The following GMDS variants were observed in gnomAD, a reference collection of about 807,000 sequenced individuals.
The protein encoded by GMDS is GDP-mannose 4,6 dehydratase.
Under a neutral mutation model 49.9 loss-of-function variants are expected in GMDS, and 20 were observed. The ratio of observed to expected loss-of-function variants is 0.40; its 90% CI spans 0.28 to 0.58. GMDS has a LOEUF of 0.58. GMDS is among the 20% of genes least tolerant of loss of function. GMDS has a pLI of 0.42. For synonymous variants in GMDS, 177 were observed against 178.6 expected (o/e 0.99, Z 0.07); for missense variants, 362 against 481.4 (o/e 0.75, Z 2.32).
chr6:1,838,115 C>T (rs565433300), intron 7 of GMDS, among the ~76,000 whole-genome samples: 3 of 152,310 alleles, frequency 2.0e-5, no homozygotes, highest in Admixed American at 2.0e-4. Flanking sequence ...TCTCCAGATA[C>T]AGGAAATGCT....
intron 7 of GMDS, among the ~76,000 whole-genome samples, chr6:1,817,502 T>C (rs1770720375): frequency 6.6e-6 from 1 of 152,238 alleles, no homozygotes; most frequent in African/African-American, 2.4e-5. Context: ...TGAAGTGATA[T>C]AAATATCTAG....
intron 4 of GMDS, among the ~76,000 whole-genome samples, chr6:2,074,739 A>G (rs1772223623): frequency 1.3e-5 from 2 of 152,176 alleles, no homozygotes; most frequent in Admixed American, 1.3e-4. Flanking sequence ...CCTGGCCTCA[A>G]GAAATTCTCC....
intron 4 of GMDS, among the ~76,000 whole-genome samples, chr6:2,076,709 T>C (rs575884155): frequency 1.3e-5 from 2 of 152,344 alleles, no homozygotes; most frequent in Non-Finnish European, 2.9e-5. Context: ...GCTAGCTGTA[T>C]GTAGAAAGCT....
intron 7 of GMDS, among the ~76,000 whole-genome samples, chr6:1,915,129 A>G (rs1418935137): frequency 6.6e-6 from 1 of 152,160 alleles, no homozygotes; most frequent in Non-Finnish European, 1.5e-5. Flanking sequence ...CCACAGAACC[A>G]GTGGTTTTGC....
chr6:1,973,777 T>C (rs570921402), intron 4 of GMDS, among the ~76,000 whole-genome samples: 1 of 152,272 alleles, frequency 6.6e-6, no homozygotes, highest in African/African-American at 2.4e-5. Context: ...CTAATAATTC[T>C]TTAGTTAATA....
chr6:1,911,550 T>C, intron 7 of GMDS, among the ~76,000 whole-genome samples: 1 of 147,630 alleles, frequency 6.8e-6, no homozygotes, highest in Admixed American at 6.6e-5. Context: ...TTCTTTCCCC[T>C]ATTAAAAAAA....
chr6:1,826,640 T>C (rs758689772), intron 7 of GMDS, among the ~76,000 whole-genome samples: 3 of 152,240 alleles, frequency 2.0e-5, no homozygotes, highest in Non-Finnish European at 4.4e-5. Flanking sequence ...CCTGATTGCA[T>C]TTTCAATTCT....
intron 1 of GMDS, among the ~76,000 whole-genome samples, chr6:2,190,696 C>A (rs1266303759): frequency 6.6e-6 from 1 of 152,226 alleles, no homozygotes; most frequent in Non-Finnish European, 1.5e-5. Flanking sequence ...AAACCAGTGG[C>A]ACCATCCTCC....
chr6:1,976,128 T>A (rs530811258), intron 4 of GMDS, among the ~76,000 whole-genome samples: 1 of 152,302 alleles, frequency 6.6e-6, no homozygotes, highest in African/African-American at 2.4e-5. Flanking sequence ...TGTAAAATAA[T>A]AAAGAATATG....
At chr6:1,968,998 A>T (rs1764427788) in intron 4 of GMDS, among the ~76,000 whole-genome samples, 1 of 152,052 alleles carries the variant, frequency 6.6e-6, no homozygotes, top group South Asian at 2.1e-4. Flanking sequence ...GCGGTGGCTC[A>T]CACCTGTAAT....
At chr6:2,199,172 T>A (rs938937563) in intron 1 of GMDS, among the ~76,000 whole-genome samples, 1 of 152,242 alleles carries the variant, frequency 6.6e-6, no homozygotes, top group Non-Finnish European at 1.5e-5. Flanking sequence ...CTAATTTACC[T>A]TTTGTTTTTA....
intron 8 of GMDS, among the ~76,000 whole-genome samples, chr6:1,733,284 C>T (rs1766886330): frequency 6.6e-6 from 1 of 152,240 alleles, no homozygotes; most frequent in African/African-American, 2.4e-5. Flanking sequence ...GCGGTCAGCA[C>T]TGCCAAACTG....
chr6:2,087,077 C>CT (rs1773058958), intron 4 of GMDS, among the ~76,000 whole-genome samples: 1 of 152,164 alleles, frequency 6.6e-6, no homozygotes, highest in Non-Finnish European at 1.5e-5. Flanking sequence ...CCTTCACCTC[C>CT]TAAGGGCCTT....
intron 8 of GMDS, among the ~76,000 whole-genome samples, chr6:1,732,797 C>CA (rs1766864183): frequency 1.3e-5 from 2 of 152,182 alleles, no homozygotes; most frequent in South Asian, 4.1e-4. Flanking sequence ...GGGTAGGAGA[C>CA]AGCAGGGATT....
intron 1 of GMDS, among the ~76,000 whole-genome samples, chr6:2,146,184 A>C (rs191544800): frequency 6.6e-6 from 1 of 152,254 alleles, no homozygotes; most frequent in African/African-American, 2.4e-5. Flanking sequence ...TTAGGAAGAC[A>C]TGTTCTTGTG....
intron 1 of GMDS, among the ~76,000 whole-genome samples, chr6:2,204,812 A>C (rs1002814174): frequency 1.3e-5 from 2 of 152,178 alleles, no homozygotes; most frequent in African/African-American, 4.8e-5. Context: ...CTACTGGTAA[A>C]AGGTGGCAAA....
rs193249320 is a variant in GMDS at position 1,853,571 on chromosome 6, T to A, written c.771+76532A>T. 5.6e-3 allele frequency among the ~76,000 whole-genome samples: 775 copies of A among 138,888 alleles called. 6 individuals carry two copies. The highest frequency in any genetic ancestry group is 0.024 in the African/African-American group (742 of 30,688). 91.1% of individuals were successfully genotyped at this position (138,888 alleles called of 152,430 possible). A position where few individuals can be genotyped will look rare whatever the true frequency, so the allele number is the denominator to read the frequency against. On this transcript the variant is annotated intron_variant, in intron 7 of 10. Coordinates refer to ENST00000380815, the MANE Select transcript of GMDS (RefSeq NM_001500.4). ...TACAAGGAGATAACTCATATGAGTG[T>A]GTGTGTGTGTGTATACACATCTGGA...
chr6:2,017,349 G>A (rs1418371463), intron 4 of GMDS, among the ~76,000 whole-genome samples: 1 of 150,776 alleles, frequency 6.6e-6, no homozygotes, highest in Admixed American at 6.6e-5. Flanking sequence ...CACTCTGTTT[G>A]CCAGGCAGGA....
At chr6:1,989,526 G>C (rs550991650) in intron 4 of GMDS, among the ~76,000 whole-genome samples, 1 of 152,240 alleles carries the variant, frequency 6.6e-6, no homozygotes, top group East Asian at 1.9e-4. Context: ...AAATTCAAGA[G>C]GCAGAAAATT....
Sources: gnomAD v4.1 joint callset for allele counts (sites outside exome capture counted in the v4.1 genomes callset) on GRCh38, gnomAD v4.1.1 for gene constraint, MANE v1.5 for transcripts, NCBI Gene and HGNC (gene_info 2026-07-23, HGNC 2026-07-21) for gene names.